ARHGAP27: variants seen among roughly 807,000 people sequenced by gnomAD.
ARHGAP27 encodes the protein rho GTPase-activating protein 27.
ARHGAP27 carries 53 observed loss-of-function variants against 102.0 expected under a neutral mutation model. That is an observed-to-expected ratio of 0.52 (90% confidence interval 0.42 to 0.65). The LOEUF is 0.65. Ranked by LOEUF, ARHGAP27 falls within the 30% of genes least tolerant of loss-of-function variation. The pLI, the probability that ARHGAP27 is intolerant of heterozygous loss-of-function variation, is 0.00. For missense variants in ARHGAP27, 1,117 were observed against 1,256.2 expected (o/e 0.89, Z 1.68); for synonymous variants, 525 against 542.8 (o/e 0.97, Z 0.46).
At chr17:45,429,388 G>C in intron 4 of ARHGAP27, 1 of 1,353,386 alleles carries the variant, frequency 7.4e-7, no homozygotes. Flanking sequence ...ATTGGATTAC[G>C]AAAAGCCTCT....
At chr17:45,396,145 A>C (rs760737219) in intron 17 of ARHGAP27, 28 bp from the exon 18 acceptor site, 1 of 1,601,044 alleles carries the variant, frequency 6.2e-7, no homozygotes, top group Non-Finnish European at 8.5e-7. Context: ...AGGAGGACGG[A>C]AGGGAAATCA....
intron 4 of ARHGAP27, among the ~76,000 whole-genome samples, chr17:45,420,677 G>T (rs1444679603): frequency 6.6e-6 from 1 of 152,058 alleles, no homozygotes; most frequent in African/African-American, 2.4e-5. Context: ...GATTTTGGCC[G>T]GGCGCAGTGG....
rs772748413 is a variant in ARHGAP27 at position 45,405,114 on chromosome 17, G to T, written c.1066-8C>A. The T allele has an allele frequency of 6.4e-7, 1 of 1,564,694 alleles. No individual in the cohort carries two copies. On this transcript the variant is annotated splice_region_variant and splice_polypyrimidine_tract_variant and intron_variant, in intron 5 of 19. Transcript: ENST00000685559. ...CGTCTCGGGAGTGGGGGGCTGCGGGGAACAGAAGGTGGAGTCAGAGGCTCT... is the reference window on the plus strand; with the variant it reads ...CGTCTCGGGAGTGGGGGGCTGCGGGTAACAGAAGGTGGAGTCAGAGGCTCT...
At chr17:45,397,138 C>T (rs900104972) in intron 13 of ARHGAP27, 114 bp from the exon 14 acceptor site, 60 of 1,496,364 alleles carry the variant, frequency 4.0e-5, no homozygotes, top group Middle Eastern at 2.3e-4. Context: ...AGACCCTCAG[C>T]GAAGAGTCCT....
chr17:45,410,008 T>G, intron 4 of ARHGAP27: 1 of 582,704 alleles, frequency 1.7e-6, no homozygotes, highest in Non-Finnish European at 3.0e-6. Context: ...GTTCACCCCT[T>G]ATCTCCAGTT....
In ARHGAP27 at chr17:45,425,675, G is replaced by A. The variant is rs767969521; in HGVS notation, c.657+3948C>T. ...CTTGTATAAGAAGGTGCAGCAGCCC[G>A]GCTGGAACTTCCCTCCCAGCGGCCA... On this transcript the variant is annotated intron_variant, in intron 4 of 19. Transcript: ENST00000685559. The A allele has an allele frequency of 4.6e-5, 45 of 982,794 alleles. No homozygotes were observed. The Admixed American group carries it at 4.9e-4, about 11-fold the overall frequency. 60.9% of individuals were successfully genotyped at this position (982,794 alleles called of 1,614,324 possible).
In ARHGAP27 at chr17:45,405,724, C is replaced by G. The variant is rs1197588872; in HGVS notation, c.1017G>C (p.Glu339Asp). The change falls in exon 5 of 20, where the codon GAG (glutamate) becomes GAC (aspartate). Residue 339 changes from glutamate to aspartate, a missense_variant. By Grantham distance (45) the Glu-to-Asp change is conservative. Coordinates refer to ENST00000685559, the MANE Select transcript of ARHGAP27 (RefSeq NM_001282290.2). ...EDEAENEPEE[E>D]LEMQPGLSPG... The stretch of plus-strand genomic sequence containing the variant: ...GGCTCAGGCCCGGCTGCATCTCCAA[C>G]TCCTCCTCGGGCTCGTTCTCGGCCT... 5 of 1,603,376 alleles carry G rather than the reference C, an allele frequency of 3.1e-6. No homozygotes were observed. Among genetic ancestry groups the G allele is most frequent in the Non-Finnish European group, 4.2e-6 (5 of 1,179,556 alleles).
At chr17:45,401,375 C>T (rs2046419581) in intron 12 of ARHGAP27, among the ~76,000 whole-genome samples, 1 of 152,160 alleles carries the variant, frequency 6.6e-6, no homozygotes, top group African/African-American at 2.4e-5. Context: ...AAAAACAAAA[C>T]CCCACAAGAC....
At chr17:45,428,413 C>T (rs115146232) in intron 4 of ARHGAP27, among the ~76,000 whole-genome samples, 4,264 of 152,302 alleles carry the variant, frequency 0.028, 166 homozygotes, top group African/African-American at 0.091. Context: ...CCAGAGGACG[C>T]TGGGCCTGGG....
intron 4 of ARHGAP27, among the ~76,000 whole-genome samples, chr17:45,407,017 C>T (rs952454942): frequency 2.6e-5 from 4 of 152,146 alleles, no homozygotes; most frequent in Non-Finnish European, 5.9e-5. Context: ...TCACATAGAA[C>T]ATAAACCTAG....
chr17:45,396,410 G>A, intron 16 of ARHGAP27, 77 bp downstream of exon 16: 1 of 1,468,964 alleles, frequency 6.8e-7, no homozygotes, highest in Non-Finnish European at 9.0e-7. Flanking sequence ...CCATCCAGGG[G>A]TCTCCAGCCT....
chr17:45,429,863 C>G lies in ARHGAP27; in HGVS notation c.417G>C (p.Leu139=). 7.5e-7 allele frequency: 1 copy of G among 1,329,062 alleles called. No individual in the cohort carries two copies. Among genetic ancestry groups the G allele is most frequent in the Non-Finnish European group, 9.6e-7 (1 of 1,045,600 alleles). The allele number at this position is 1,329,062 out of a possible 1,614,324, so 82.3% of individuals were successfully genotyped here. A position where few individuals can be genotyped will look rare whatever the true frequency, so the allele number is the denominator to read the frequency against. Residue 139 remains leucine (L), a synonymous_variant, in exon 4 of 20, where the codon CTG becomes CTC. Coordinates refer to ENST00000685559, the MANE Select transcript of ARHGAP27 (RefSeq NM_001282290.2). Reference sequence around the variant, plus strand: ...CGGGCCGCAGGTACAGGCAGGCTGGCAGGCCGGGCGCCAGGCTGCTGCGCT... The same window carrying G: ...CGGGCCGCAGGTACAGGCAGGCTGGGAGGCCGGGCGCCAGGCTGCTGCGCT... ...ATQRSSLAPG[L]PACLYLRPAA... is the part of the protein sequence containing the mutation.
intron 4 of ARHGAP27, among the ~76,000 whole-genome samples, chr17:45,420,713 G>A (rs1374507185): frequency 2.6e-5 from 4 of 152,034 alleles, no homozygotes; most frequent in Non-Finnish European, 5.9e-5. Flanking sequence ...CCAGCACTTT[G>A]GGAGGATGAG....
intron 5 of ARHGAP27, 144 bp from the exon 6 acceptor site, chr17:45,405,250 A>G: frequency 4.5e-6 from 4 of 889,314 alleles, no homozygotes; most frequent in East Asian, 2.7e-5. Flanking sequence ...GCTCAGAGGT[A>G]GCTCCGCACC....
At chr17:45,407,549 C>G (rs1431985860) in intron 4 of ARHGAP27, 1 of 146,472 alleles carries the variant, frequency 6.8e-6, no homozygotes, top group Non-Finnish European at 1.5e-5. Context: ...GAGTCTCGCT[C>G]TGTCGTCCAG....
chr17:45,426,557 T>C (rs2049618987), intron 4 of ARHGAP27, among the ~76,000 whole-genome samples: 1 of 151,956 alleles, frequency 6.6e-6, no homozygotes, highest in South Asian at 2.1e-4. Flanking sequence ...CAGAAGGGCA[T>C]CCCCACACAC....
At chr17:45,399,840 G>A (rs73984388) in intron 12 of ARHGAP27, among the ~76,000 whole-genome samples, 3,772 of 152,264 alleles carry the variant, frequency 0.025, 146 homozygotes, top group African/African-American at 0.087. Context: ...AGAGGGCAAA[G>A]CTGTATCATT....
Position 45,405,663 on chromosome 17 carries a change from C to T in ARHGAP27, c.1065+13G>A. ...TCAGAGGTAGAACCGCCCACTCTGG[C>T]CCTGCCCCTCACCCGCGGGTCCCCT... On this transcript the variant is annotated intron_variant, in intron 5 of 19. Transcript: ENST00000685559. 6.3e-7 allele frequency: 1 copy of T among 1,575,546 alleles called. No individual in the cohort carries two copies. The highest frequency in any genetic ancestry group is 2.2e-5 in the East Asian group (1 of 44,744).
Position 45,395,340 on chromosome 17 carries a change from G to A in ARHGAP27, c.*116C>T. The A allele has an allele frequency of 1.5e-6, 2 of 1,323,364 alleles. No individual in the cohort carries two copies. The highest frequency in any genetic ancestry group is 1.5e-5 in the African/African-American group (1 of 67,434). 82.0% of individuals were successfully genotyped at this position (1,323,364 alleles called of 1,614,324 possible). On this transcript the variant is annotated 3_prime_UTR_variant, in exon 20 of 20. Transcript: ENST00000685559. ...AACCGAGGGTGCAGAAGTCACACCG[G>A]CCTGCGGCTATGCGCTGGCGGAGGG... is the stretch of plus-strand genomic sequence containing the variant.
Sources: gnomAD v4.1 joint callset for allele counts (sites outside exome capture counted in the v4.1 genomes callset) on GRCh38, gnomAD v4.1.1 for gene constraint, MANE v1.5 for transcripts, NCBI Gene and HGNC (gene_info 2026-07-23, HGNC 2026-07-21) for gene names.